Variants in GSE1 observed in about 807,000 individuals in gnomAD.
GSE1 encodes the protein genetic suppressor element 1.
Under a neutral mutation model 112.6 loss-of-function variants are expected in GSE1, and 32 were observed. That is an observed-to-expected ratio of 0.28 (90% CI 0.21 to 0.38). The LOEUF is 0.38. GSE1 is among the 10% of genes least tolerant of loss of function. The pLI is 1.00. For missense variants in GSE1, 2,348 were observed against 1,699.2 expected (o/e 1.38, Z -6.71); for synonymous variants, 1,115 against 735.6 (o/e 1.52, Z -8.35).
chr16:85,248,184 C>T (rs1035086630), intron 1 of GSE1, among the ~76,000 whole-genome samples: 20 of 152,114 alleles, frequency 1.3e-4, no homozygotes, highest in African/African-American at 4.8e-4. Context: ...GGGCTTGGGA[C>T]CCCCAGATCC....
At chr16:85,511,324 C>T (rs1305711421) in intron 2 of GSE1, among the ~76,000 whole-genome samples, 2 of 152,158 alleles carry the variant, frequency 1.3e-5, no homozygotes, top group Non-Finnish European at 1.5e-5. Flanking sequence ...ATCAGGAGTT[C>T]GAGACCAGCC....
At chr16:85,622,479 T>C (rs1345273144) in intron 1 of GSE1, among the ~76,000 whole-genome samples, 1 of 152,210 alleles carries the variant, frequency 6.6e-6, no homozygotes, top group East Asian at 1.9e-4. Context: ...TGTAGGAGTT[T>C]GTAGCCTGGG....
At chr16:85,219,366 A>C (rs1025374441) in intron 1 of GSE1, among the ~76,000 whole-genome samples, 1 of 152,162 alleles carries the variant, frequency 6.6e-6, no homozygotes, top group Admixed American at 6.5e-5. Context: ...ATATTTTGAC[A>C]CTTTGGTTGG....
rs572710975 is a variant in GSE1, at chr16:85,546,798, C to T, written c.2465-87116C>T. On this transcript the variant is annotated intron_variant, in intron 2 of 2. Transcript: ENST00000637419. ...GGGCATGGCTTGGTAAGAAGCTGGC[C>T]ACCAGGGATTCTTGTCGTTACTGTC... Among the ~76,000 whole-genome samples, 18 of 152,348 alleles carry T rather than the reference C, an allele frequency of 1.2e-4. No homozygotes were observed. In the South Asian group the frequency reaches 2.7e-3, roughly 23 times the overall value.
chr16:85,223,307 G>T (rs2075425431), intron 1 of GSE1, among the ~76,000 whole-genome samples: 1 of 152,204 alleles, frequency 6.6e-6, no homozygotes, highest in Non-Finnish European at 1.5e-5. Flanking sequence ...TGGATCATTT[G>T]AGGTCAGGAG....
intron 1 of GSE1, among the ~76,000 whole-genome samples, chr16:85,591,757 A>G (rs1350355419): frequency 6.6e-6 from 1 of 152,232 alleles, no homozygotes; most frequent in Non-Finnish European, 1.5e-5. Flanking sequence ...TTCTTCATTC[A>G]TTCCATAAAT....
intron 1 of GSE1, among the ~76,000 whole-genome samples, chr16:85,196,936 C>A (rs1390543710): frequency 6.6e-6 from 1 of 152,170 alleles, no homozygotes; most frequent in Non-Finnish European, 1.5e-5. Flanking sequence ...CTTGGAGAAG[C>A]CTGTACTGCG....
chr16:85,516,472 A>AAC (rs1367538491), intron 2 of GSE1, among the ~76,000 whole-genome samples: 5 of 151,224 alleles, frequency 3.3e-5, no homozygotes, highest in East Asian at 3.9e-4. Context: ...AAAAAAAAAA[A>AAC]AAAAAAAATT....
chr16:85,431,807 T>G (rs757052420), intron 2 of GSE1, among the ~76,000 whole-genome samples: 13 of 152,256 alleles, frequency 8.5e-5, no homozygotes, highest in Non-Finnish European at 1.3e-4. Flanking sequence ...TCCTGACAGC[T>G]TTATCAAGCC....
chr16:85,640,216 G>A (rs1464895016), intron 2 of GSE1, among the ~76,000 whole-genome samples: 1 of 151,918 alleles, frequency 6.6e-6, no homozygotes, highest in African/African-American at 2.4e-5. Context: ...CCAGCCCGGT[G>A]GCCGGGACTC....
At chr16:85,337,973 T>A (rs1287325170) in intron 1 of GSE1, among the ~76,000 whole-genome samples, 1 of 152,248 alleles carries the variant, frequency 6.6e-6, no homozygotes, top group African/African-American at 2.4e-5. Context: ...TCTTCCCACC[T>A]CTGAGCTTTG....
chr16:85,276,574 A>C (rs7192514), intron 1 of GSE1, among the ~76,000 whole-genome samples: 95,433 of 152,102 alleles, frequency 0.63, 31,475 homozygotes, highest in Non-Finnish European at 0.75. Context: ...TGTTTAATCC[A>C]GAAAGGGCCC....
chr16:85,570,634 C>A (rs2045944689), intron 1 of GSE1, among the ~76,000 whole-genome samples: 1 of 152,146 alleles, frequency 6.6e-6, no homozygotes, highest in Admixed American at 6.5e-5. Flanking sequence ...TGGGGTGAGC[C>A]GCGTGGGAGG....
intron 1 of GSE1, among the ~76,000 whole-genome samples, chr16:85,600,485 T>C (rs2151478619): frequency 6.6e-6 from 1 of 151,990 alleles, no homozygotes; most frequent in African/African-American, 2.4e-5. Flanking sequence ...GAGGCTAGTG[T>C]TGAGAGGCAG....
chr16:85,235,011 C>G (rs905286619), intron 1 of GSE1, among the ~76,000 whole-genome samples: 1 of 151,964 alleles, frequency 6.6e-6, no homozygotes, highest in African/African-American at 2.4e-5. Context: ...CTCCTGGCTC[C>G]TCGCATCCCC....
intron 2 of GSE1, among the ~76,000 whole-genome samples, chr16:85,422,728 G>T (rs2048879517): frequency 6.6e-6 from 1 of 152,194 alleles, no homozygotes; most frequent in South Asian, 2.1e-4. Context: ...AGCCGCTTGG[G>T]GACTTGGGAG....
chr16:85,581,433 C>T (rs758955836), intron 1 of GSE1, among the ~76,000 whole-genome samples: 6 of 152,146 alleles, frequency 3.9e-5, no homozygotes, highest in Admixed American at 6.5e-5. Flanking sequence ...CTGCTGAAGC[C>T]GGACGAACCC....
At chr16:85,182,896 C>T (rs1016034377) in intron 1 of GSE1, among the ~76,000 whole-genome samples, 2 of 152,092 alleles carry the variant, frequency 1.3e-5, no homozygotes, top group Non-Finnish European at 2.9e-5. Flanking sequence ...CCGCCTCCCT[C>T]TCGCACACAC....
chr16:85,251,498 G>A (rs537080593), intron 1 of GSE1, among the ~76,000 whole-genome samples: 5 of 152,362 alleles, frequency 3.3e-5, no homozygotes, highest in African/African-American at 9.6e-5. Flanking sequence ...GTCATCCAGC[G>A]GGGGTGCGGC....
Sources: gnomAD v4.1 joint callset for allele counts (sites outside exome capture counted in the v4.1 genomes callset) on GRCh38, gnomAD v4.1.1 for gene constraint, MANE v1.5 for transcripts, NCBI Gene and HGNC (gene_info 2026-07-23, HGNC 2026-07-21) for gene names.